The following KAT6B variants were observed in gnomAD, a reference collection of about 807,000 sequenced individuals.
KAT6B encodes lysine acetyltransferase 6B, also known as histone acetyltransferase KAT6B.
KAT6B carries 10 observed loss-of-function variants against 187.5 expected under a neutral mutation model. The observed-to-expected ratio is 0.05, with a 90% CI of 0.03 to 0.09. The LOEUF (loss-of-function observed/expected upper bound fraction) is 0.09, where lower values mean the gene tolerates loss of function less well. KAT6B is among the 10% of genes least tolerant of loss of function. KAT6B has a pLI of 1.00. For missense variants in KAT6B, 1,952 were observed against 2,558.9 expected, an observed-to-expected ratio of 0.76 and a Z score of 5.12; for synonymous variants, 861 against 926.8, an observed-to-expected ratio of 0.93 and a Z score of 1.29.
intron 1 of KAT6B, among the ~76,000 whole-genome samples, chr10:74,829,516 G>T (rs1243990038): frequency 6.6e-6 from 1 of 150,848 alleles, no homozygotes; most frequent in Non-Finnish European, 1.5e-5. Context: ...GCAGTGGCAC[G>T]ATCTCGGCTC....
intron 3 of KAT6B, among the ~76,000 whole-genome samples, chr10:74,926,415 C>T (rs951581970): frequency 6.6e-6 from 1 of 152,244 alleles, no homozygotes; most frequent in Non-Finnish European, 1.5e-5. Context: ...GATTGCACCA[C>T]TGCACTCCAG....
intron 3 of KAT6B, among the ~76,000 whole-genome samples, chr10:74,915,747 G>T (rs945712716): frequency 1.3e-5 from 2 of 152,158 alleles, no homozygotes; most frequent in Non-Finnish European, 2.9e-5. Flanking sequence ...AATTTCAAAA[G>T]GTTGCATGTG....
chr10:74,933,285 A>T (rs1386059681), intron 3 of KAT6B, among the ~76,000 whole-genome samples: 1 of 152,252 alleles, frequency 6.6e-6, no homozygotes, highest in African/African-American at 2.4e-5. Flanking sequence ...GTAACTCATG[A>T]GTAGAGACTA....
chr10:74,966,781 CT>C (rs1291206875), intron 4 of KAT6B, among the ~76,000 whole-genome samples: 5 of 152,212 alleles, frequency 3.3e-5, no homozygotes, highest in South Asian at 4.1e-4. Context: ...AGTCCCAGCA[CT>C]TTGGGAGGCC....
intron 3 of KAT6B, among the ~76,000 whole-genome samples, chr10:74,954,281 G>A (rs1261848755): frequency 6.6e-6 from 1 of 152,184 alleles, no homozygotes; most frequent in East Asian, 1.9e-4. Context: ...CAAATGCATA[G>A]AGACAGAAAG....
At chr10:75,014,617 G>A (rs183864238) in intron 13 of KAT6B, among the ~76,000 whole-genome samples, 26 of 152,206 alleles carry the variant, frequency 1.7e-4, no homozygotes, top group Non-Finnish European at 3.2e-4. Flanking sequence ...GAAAACTACC[G>A]ATTTAAAGTA....
At position 74,990,089 on chromosome 10, in the gene KAT6B, G is replaced by A. The variant is rs542114287; in HGVS notation, c.2629+977G>A. On this transcript the variant is annotated intron_variant, in intron 13 of 17. Transcript: ENST00000287239. ...ACACACCTGTACTCCCAGCTACTAG[G>A]GAGGCTGAGGCAGGAGAATCACTTG... 4.6e-5 allele frequency among the ~76,000 whole-genome samples: 7 copies of A among 151,194 alleles called. No homozygotes were observed. In the Middle Eastern group the frequency reaches 0.02, roughly 441 times the overall value.
rs1846096647 is a variant in KAT6B at position 75,028,938 on chromosome 10, G to C, written c.4114G>C (p.Glu1372Gln). Residue 1372 changes from glutamate to glutamine, a missense_variant, in exon 18 of 18, where the codon GAA becomes CAA. Around this residue, in one of 9 missense-constraint regions of KAT6B, gnomAD observed 758 missense variants for 891.4 expected, o/e 0.85. Transcript: ENST00000287239. ...EEEEEEEGEE[E>Q]EGGGNVEKDP... is the part of the protein sequence containing the mutation. ...AGAGGAAGAAGAGGAAGGGGAAGAA[G>C]AAGAAGGAGGAGGAAATGTAGAAAA... 5 of 1,611,882 alleles carry C rather than the reference G, an allele frequency of 3.1e-6. No individual in the cohort carries two copies. Among genetic ancestry groups the C allele is most frequent in the African/African-American group, 1.3e-5 (1 of 74,848 alleles).
intron 13 of KAT6B, among the ~76,000 whole-genome samples, chr10:75,019,087 T>G (rs1213188160): frequency 6.6e-6 from 1 of 152,200 alleles, no homozygotes; most frequent in Non-Finnish European, 1.5e-5. Context: ...ACAGTGGCCA[T>G]CACTGTGTTA....
chr10:74,919,525 C>T (rs577919360), intron 3 of KAT6B, among the ~76,000 whole-genome samples: 22 of 152,148 alleles, frequency 1.4e-4, no homozygotes, highest in East Asian at 1.2e-3. Context: ...CTCAGCCTCC[C>T]GAGCAGCTGG....
rs1025388272 is a variant in KAT6B at position 74,930,086 on chromosome 10, A to AT, written c.622-29876dup. On this transcript the variant is annotated intron_variant, in intron 3 of 17. Transcript: ENST00000287239. ...AGGCACCTGCCGCCATACCTGGCTA[A>AT]TTTTTTTTGTATTTTTAGTAGAGAT... Among the ~76,000 whole-genome samples the AT allele has an allele frequency of 3.3e-5, 5 of 151,424 alleles. No homozygotes were observed. In the South Asian group the frequency reaches 6.3e-4, roughly 19 times the overall value.
intron 2 of KAT6B, among the ~76,000 whole-genome samples, chr10:74,842,180 A>T (rs900071958): frequency 3.3e-5 from 5 of 151,904 alleles, no homozygotes; most frequent in Middle Eastern, 6.4e-3. Flanking sequence ...TGGATTATTT[A>T]CTCTTTTTTT....
chr10:75,006,147 G>A (rs1844190463), intron 13 of KAT6B, among the ~76,000 whole-genome samples: 1 of 152,106 alleles, frequency 6.6e-6, no homozygotes. Flanking sequence ...TAGACAGCAA[G>A]GAAGCAAAAA....
At chr10:74,987,364 C>T (rs894838926) in intron 12 of KAT6B, among the ~76,000 whole-genome samples, 2 of 151,776 alleles carry the variant, frequency 1.3e-5, no homozygotes, top group African/African-American at 2.4e-5. Context: ...ACCCAGGAGG[C>T]GGAGGTTGCA....
chr10:74,933,575 A>G (rs975501624), intron 3 of KAT6B, among the ~76,000 whole-genome samples: 10 of 152,154 alleles, frequency 6.6e-5, no homozygotes, highest in African/African-American at 9.7e-5. Flanking sequence ...TTTTCCCCCA[A>G]TAAGTGTTTG....
intron 3 of KAT6B, among the ~76,000 whole-genome samples, chr10:74,920,744 G>A (rs1046679620): frequency 1.3e-5 from 2 of 152,104 alleles, no homozygotes; most frequent in Non-Finnish European, 2.9e-5. Flanking sequence ...CCAAACTCTG[G>A]TGATTTCTCC....
Position 74,843,012 on chromosome 10 carries a change from A to G in KAT6B, c.155A>G (p.Glu52Gly). ...LDKKTVSEQL[E>G]LSVQDGSVLK... is the part of the protein sequence containing the mutation. ...AAGAAGACAGTCTCTGAACAGCTGG[A>G]ACTCAGTGTTCAGGATGGCTCAGTT... The change falls in exon 3 of 18, where the codon GAA becomes GGA. Residue 52 changes from glutamate (E) to glycine (G), a missense_variant. Around this residue, in one of 9 missense-constraint regions of KAT6B, gnomAD observed 218 missense variants for 282.6 expected, o/e 0.77. Coordinates refer to ENST00000287239, the MANE Select transcript of KAT6B (RefSeq NM_012330.4). 6.2e-7 allele frequency: 1 copy of G among 1,614,140 alleles called. No individual in the cohort carries two copies. Among genetic ancestry groups the G allele is most frequent in the Non-Finnish European group, 8.5e-7 (1 of 1,179,996 alleles).
intron 3 of KAT6B, among the ~76,000 whole-genome samples, chr10:74,892,070 A>G (rs1845678902): frequency 6.6e-6 from 1 of 152,212 alleles, no homozygotes; most frequent in Non-Finnish European, 1.5e-5. Context: ...GAACAGTGTT[A>G]GAAAATGCAG....
At chr10:74,981,325 T>TCCTTCCTTCCTG in intron 10 of KAT6B, among the ~76,000 whole-genome samples, 1 of 150,512 alleles carries the variant, frequency 6.6e-6, no homozygotes, top group Non-Finnish European at 1.5e-5. Context: ...CTTCCTTCCT[T>TCCTTCCTTCCTG]CCTTCCTTCC....
Sources: gnomAD v4.1 joint callset for allele counts (sites outside exome capture counted in the v4.1 genomes callset) on GRCh38, gnomAD v4.1.1 for gene constraint, gnomAD v4.1.1 regional missense constraint, MANE v1.5 for transcripts, NCBI Gene and HGNC (gene_info 2026-07-23, HGNC 2026-07-21) for gene names.